Variants in UBA6 observed in about 807,000 individuals in gnomAD.
UBA6 encodes ubiquitin-like modifier-activating enzyme 6.
In UBA6, 87 loss-of-function variants were observed where a neutral mutation model predicts 148.3. The observed-to-expected ratio is 0.59, with a 90% CI of 0.49 to 0.70. UBA6 has a LOEUF of 0.70. Among genes scored for constraint, UBA6 ranks in the 30% least tolerant of loss-of-function variants. The pLI, the probability that UBA6 is intolerant of heterozygous loss-of-function variation, is 0.00. For missense variants in UBA6, 1,186 were observed against 1,241.2 expected (o/e 0.96, Z 0.67); for synonymous variants, 376 against 401.0 (o/e 0.94, Z 0.75).
intron 9 of UBA6, among the ~76,000 whole-genome samples, chr4:67,668,048 C>T (rs1223040890): frequency 2.0e-5 from 3 of 152,168 alleles, no homozygotes; most frequent in African/African-American, 7.2e-5. Context: ...AAAACCTACT[C>T]CCTTTCTTGC....
intron 2 of UBA6, among the ~76,000 whole-genome samples, chr4:67,684,013 G>T (rs1377031201): frequency 6.6e-6 from 1 of 152,172 alleles, no homozygotes; most frequent in Non-Finnish European, 1.5e-5. Flanking sequence ...GGAGGTGGAG[G>T]TTGCAGTGAG....
chr4:67,691,492 C>T (rs1322295808), intron 2 of UBA6, among the ~76,000 whole-genome samples: 1 of 152,162 alleles, frequency 6.6e-6, no homozygotes, highest in Non-Finnish European at 1.5e-5. Context: ...ACATGTGACT[C>T]TATTCATCTT....
At chr4:67,660,180 A>G (rs1025093324) in intron 13 of UBA6, among the ~76,000 whole-genome samples, 1 of 152,248 alleles carries the variant, frequency 6.6e-6, no homozygotes, top group African/African-American at 2.4e-5. Flanking sequence ...CTGATGATAC[A>G]ATAGAAAAGA....
chr4:67,623,244 A>G lies in UBA6; in HGVS notation c.2841-22T>C, dbSNP rs764004084. 5 of 1,574,404 alleles carry G rather than the reference A, an allele frequency of 3.2e-6. No homozygotes were observed. In the African/African-American group the frequency reaches 5.4e-5, roughly 17 times the overall value. On this transcript the variant is annotated intron_variant, in intron 30 of 32. Transcript: ENST00000322244. ...ATTTCTGTTACAGAAAAATATTCAG[A>G]ACAGAAACATTGAAATTTTCTTCCT...
At chr4:67,693,227 T>C (rs1020351415) in intron 2 of UBA6, among the ~76,000 whole-genome samples, 7 of 152,130 alleles carry the variant, frequency 4.6e-5, no homozygotes, top group Non-Finnish European at 1.0e-4. Flanking sequence ...AAGACCTTTA[T>C]GATAATCCAG....
At chr4:67,698,914 C>G (rs1194557315) in intron 1 of UBA6, among the ~76,000 whole-genome samples, 1 of 151,962 alleles carries the variant, frequency 6.6e-6, no homozygotes, top group Non-Finnish European at 1.5e-5. Context: ...GAGCCAAGAT[C>G]CCACCACTGT....
chr4:67,625,829 C>T (rs1429158195), intron 28 of UBA6, among the ~76,000 whole-genome samples: 2 of 151,916 alleles, frequency 1.3e-5, no homozygotes, highest in African/African-American at 4.8e-5. Flanking sequence ...ATTAAAAATT[C>T]AGTTTTCCTG....
At position 67,631,872 on chromosome 4, in the gene UBA6, G is replaced by C. The variant is rs760173484; in HGVS notation, c.2179C>G (p.Arg727Gly). The change falls in exon 24 of 33, where the codon CGA becomes GGA. Residue 727 changes from arginine to glycine, a missense_variant. Coordinates refer to ENST00000322244, the MANE Select transcript of UBA6 (RefSeq NM_018227.6). Reference protein sequence around the residue: ...QLLHCFPLDIRLKDGSLFWQS... With the variant: ...QLLHCFPLDIGLKDGSLFWQS... ...TTATACTTACTGCCATCTTTTAATC[G>C]TATGTCCAGAGGGAAACAGTGAAGA... The C allele has an allele frequency of 6.2e-7, 1 of 1,611,748 alleles. No individual in the cohort carries two copies. The highest frequency in any genetic ancestry group is 1.1e-5 in the South Asian group (1 of 90,678).
chr4:67,665,745 G>C (rs1194359886), intron 9 of UBA6, among the ~76,000 whole-genome samples: 1 of 151,662 alleles, frequency 6.6e-6, no homozygotes, highest in Non-Finnish European at 1.5e-5. Context: ...GAAAAGATAA[G>C]ATTATTCAAT....
At chr4:67,647,566 A>G (rs1729448426) in intron 14 of UBA6, among the ~76,000 whole-genome samples, 1 of 152,158 alleles carries the variant, frequency 6.6e-6, no homozygotes, top group South Asian at 2.1e-4. Flanking sequence ...TTCACACACT[A>G]TAGGAAAATA....
rs368070621 is a variant in UBA6 at position 67,632,358 on chromosome 4, G to A, written c.2143-450C>T. ...CCTGGGGGAAGGTAAGAATGAACGG[G>A]AATGGTGATGAAACAAGATTTATCT... On this transcript the variant is annotated intron_variant, in intron 23 of 32. Transcript: ENST00000322244. Among the ~76,000 whole-genome samples the A allele has an allele frequency of 5.4e-4, 82 of 152,294 alleles. 1 individual carries two copies. The highest frequency in any genetic ancestry group is 1.9e-3 in the African/African-American group (80 of 41,576).
chr4:67,673,862 G>T, intron 6 of UBA6, 85 bp from the exon 7 acceptor site: 1 of 956,040 alleles, frequency 1.0e-6, no homozygotes, highest in Non-Finnish European at 1.6e-6. Flanking sequence ...GTCAGTTTGC[G>T]TTGTGCTAAA....
At chr4:67,619,202 T>C in intron 32 of UBA6, 70 bp from the exon 33 acceptor site, 3 of 1,207,448 alleles carry the variant, frequency 2.5e-6, no homozygotes, top group Middle Eastern at 2.2e-4. Flanking sequence ...TGCTGACTAA[T>C]GCCATCCAGA....
At chr4:67,694,212 T>C (rs1407570171) in intron 2 of UBA6, among the ~76,000 whole-genome samples, 1 of 32,596 alleles carries the variant, frequency 3.1e-5, no homozygotes, top group African/African-American at 1.3e-4. Context: ...CAAGACTCCA[T>C]CTCAAAAAAA....
At position 67,633,451 on chromosome 4, in the gene UBA6, A is replaced by G. The variant is rs150971951; in HGVS notation, c.2036T>C (p.Leu679Ser). 224 of 1,607,698 alleles carry G rather than the reference A, an allele frequency of 1.4e-4. No homozygotes were observed. The highest frequency in any genetic ancestry group is 1.8e-4 in the Non-Finnish European group (218 of 1,178,572). The change falls in exon 23 of 33, where the codon TTA becomes TCA. Residue 679 changes from leucine to serine, a missense_variant. Leu to Ser is a moderately radical substitution (Grantham distance 145, BLOSUM62 -2). Coordinates refer to ENST00000322244, the MANE Select transcript of UBA6 (RefSeq NM_018227.6). ...VLQKIQSGHS[L>S]EGCFQVIKLL... is the part of the protein sequence containing the mutation. Reference sequence around the variant, plus strand: ...CTTTATAACTTGAAAACAGCCTTCTAAACTGTGTCCACTCTGTATCTTCTA... The same window carrying G: ...CTTTATAACTTGAAAACAGCCTTCTGAACTGTGTCCACTCTGTATCTTCTA...
At chr4:67,666,751 C>T (rs10003837) in intron 9 of UBA6, among the ~76,000 whole-genome samples, 1,740 of 151,870 alleles carry the variant, frequency 0.011, 40 homozygotes, top group African/African-American at 0.04. Flanking sequence ...GGCACACACC[C>T]GTGGTCCCAG....
intron 13 of UBA6, among the ~76,000 whole-genome samples, chr4:67,652,455 C>T (rs993125837): frequency 1.8e-4 from 27 of 152,190 alleles, no homozygotes; most frequent in African/African-American, 6.5e-4. Flanking sequence ...GAAGATGCAG[C>T]ACAACTGAAA....
At chr4:67,621,719 C>A (rs572384536) in intron 32 of UBA6, among the ~76,000 whole-genome samples, 1 of 152,102 alleles carries the variant, frequency 6.6e-6, no homozygotes, top group Non-Finnish European at 1.5e-5. Flanking sequence ...GCAGGAGAAT[C>A]GCTTGAACTC....
intron 32 of UBA6, among the ~76,000 whole-genome samples, chr4:67,620,821 A>C (rs1429963398): frequency 6.6e-6 from 1 of 152,160 alleles, no homozygotes; most frequent in East Asian, 1.9e-4. Flanking sequence ...GTGGATTTGT[A>C]GCTTTTTGAA....
Sources: allele counts gnomAD v4.1 joint callset (sites outside exome capture counted in the v4.1 genomes callset), GRCh38; gene constraint gnomAD v4.1.1; transcripts MANE v1.5; gene names NCBI Gene and HGNC (gene_info 2026-07-23, HGNC 2026-07-21).